GMDS: variants seen among roughly 807,000 people sequenced by gnomAD.
GMDS encodes the protein GDP-mannose 4,6 dehydratase.
A neutral mutation model predicts 49.9 loss-of-function variants in GMDS; 20 were observed. That is an observed-to-expected ratio of 0.40 (90% CI 0.28 to 0.58). The LOEUF is 0.58. GMDS is among the 20% of genes least tolerant of loss of function. The probability of loss-of-function intolerance (pLI) is 0.42; values close to 1 mark genes in which losing one functional copy is unlikely to be tolerated. For missense variants in GMDS, 362 were observed against 481.4 expected, an observed-to-expected ratio of 0.75 and a Z score of 2.32; for synonymous variants, 177 against 178.6, an observed-to-expected ratio of 0.99 and a Z score of 0.07.
At chr6:1,641,434 TGTCA>T (rs1763326857) in intron 9 of GMDS, among the ~76,000 whole-genome samples, 1 of 152,250 alleles carries the variant, frequency 6.6e-6, no homozygotes, top group Non-Finnish European at 1.5e-5. Flanking sequence ...ATCTTCTTCC[TGTCA>T]AAGGAGGGAA....
intron 4 of GMDS, among the ~76,000 whole-genome samples, chr6:2,013,072 C>T (rs9328080): frequency 0.68 from 103,255 of 151,946 alleles, 35,295 homozygotes; most frequent in Middle Eastern, 0.72. Context: ...ACAATTCTGG[C>T]CACAGGCCAG....
At chr6:2,095,193 C>T (rs370030678) in intron 4 of GMDS, among the ~76,000 whole-genome samples, 76 of 152,128 alleles carry the variant, frequency 5.0e-4, no homozygotes, top group Non-Finnish European at 9.3e-4. Flanking sequence ...TGCCTGATCA[C>T]GTGCACACCT....
At chr6:2,187,774 A>C (rs960244375) in intron 1 of GMDS, among the ~76,000 whole-genome samples, 1 of 152,240 alleles carries the variant, frequency 6.6e-6, no homozygotes, top group African/African-American at 2.4e-5. Flanking sequence ...ATTAGGAGAA[A>C]ATGAAGAAAG....
chr6:2,083,870 T>TG (rs1421698038), intron 4 of GMDS, among the ~76,000 whole-genome samples: 2 of 152,190 alleles, frequency 1.3e-5, no homozygotes, highest in African/African-American at 2.4e-5. Flanking sequence ...TCCAGTTAAT[T>TG]GGGGGGTATT....
intron 9 of GMDS, chr6:1,625,502 A>G (rs1762826505): frequency 6.6e-6 from 1 of 152,260 alleles, no homozygotes; most frequent in Non-Finnish European, 1.5e-5. Context: ...TCGAGGAAAC[A>G]AGGGCATTTC....
chr6:2,050,506 G>A (rs1043199290), intron 4 of GMDS, among the ~76,000 whole-genome samples: 1 of 152,148 alleles, frequency 6.6e-6, no homozygotes, highest in Non-Finnish European at 1.5e-5. Context: ...GAAAAAGAGG[G>A]AATCCTCCCT....
At chr6:1,666,951 T>C (rs555206686) in intron 9 of GMDS, among the ~76,000 whole-genome samples, 2 of 152,282 alleles carry the variant, frequency 1.3e-5, no homozygotes, top group Admixed American at 1.3e-4. Flanking sequence ...GGGCACTGTG[T>C]TTTCTGCTGA....
chr6:1,957,095 G>A (rs1441299347), intron 6 of GMDS, among the ~76,000 whole-genome samples: 1 of 152,038 alleles, frequency 6.6e-6, no homozygotes, highest in South Asian at 2.1e-4. Flanking sequence ...GAGCCATCGC[G>A]CCCGGCCCAT....
Position 1,624,059 on chromosome 6 carries a change from C to T in GMDS, c.*110G>A. 2 of 949,592 alleles carry T rather than the reference C, an allele frequency of 2.1e-6. No individual in the cohort carries two copies. The highest frequency in any genetic ancestry group is 1.6e-5 in the African/African-American group (1 of 62,502). The allele number at this position is 949,592 out of a possible 1,614,324, so 58.8% of individuals were successfully genotyped here. A position where few individuals can be genotyped will look rare whatever the true frequency, so the allele number is the denominator to read the frequency against. On this transcript the variant is annotated 3_prime_UTR_variant, in exon 11 of 11. Coordinates refer to ENST00000380815, the MANE Select transcript of GMDS (RefSeq NM_001500.4). ...CGGGACAGCGCAGCGGCAGCAGGGG[C>T]CGCAGGGGACCCGCAGATTGGCACG...
intron 9 of GMDS, among the ~76,000 whole-genome samples, chr6:1,629,647 G>A (rs1762940212): frequency 6.6e-6 from 1 of 152,138 alleles, no homozygotes; most frequent in Non-Finnish European, 1.5e-5. Flanking sequence ...AACCACCACT[G>A]GACACTCCCA....
chr6:1,738,172 TACAC>T lies in GMDS; in HGVS notation c.890+4292_890+4295del, dbSNP rs1224645304. Among the ~76,000 whole-genome samples, 47 of 135,744 alleles carry T rather than the reference TACAC, an allele frequency of 3.5e-4. 1 individual carries two copies. Among genetic ancestry groups the T allele is most frequent in the South Asian group, 4.6e-4 (2 of 4,362 alleles). The allele number at this position is 135,744 out of a possible 152,430, so 89.1% of individuals were successfully genotyped here. ...ATACACATACACACACACAGACACATACACACACACATATACACACATACACACA... is the reference window on the plus strand; with the variant it reads ...ATACACATACACACACACAGACACATACACACATATACACACATACACACA... On this transcript the variant is annotated intron_variant, in intron 8 of 10. Transcript: ENST00000380815.
At chr6:1,901,227 C>T (rs1430085077) in intron 7 of GMDS, among the ~76,000 whole-genome samples, 1 of 152,138 alleles carries the variant, frequency 6.6e-6, no homozygotes, top group Non-Finnish European at 1.5e-5. Flanking sequence ...ACAGAGATGG[C>T]CTGTGCTAAT....
intron 1 of GMDS, among the ~76,000 whole-genome samples, chr6:2,221,254 C>T (rs72830182): frequency 0.11 from 16,828 of 152,212 alleles, 1,025 homozygotes; most frequent in Middle Eastern, 0.23. Context: ...CCTGGCTTCA[C>T]GTAGAATTCC....
chr6:2,112,130 C>T (rs186484361), intron 4 of GMDS, among the ~76,000 whole-genome samples: 2 of 152,340 alleles, frequency 1.3e-5, no homozygotes, highest in East Asian at 3.9e-4. Flanking sequence ...CTAAGAGGAG[C>T]TGTTCATACT....
intron 7 of GMDS, among the ~76,000 whole-genome samples, chr6:1,765,162 C>G (rs1768300959): frequency 6.6e-6 from 1 of 152,108 alleles, no homozygotes. Context: ...AAATTTACAA[C>G]AGATCAGTTA....
intron 7 of GMDS, among the ~76,000 whole-genome samples, chr6:1,920,163 G>A (rs1761644883): frequency 6.6e-6 from 1 of 152,150 alleles, no homozygotes; most frequent in South Asian, 2.1e-4. Flanking sequence ...CTTAAAAAAG[G>A]TTTTGTTTTG....
At chr6:1,798,108 C>T (rs957873441) in intron 7 of GMDS, among the ~76,000 whole-genome samples, 3 of 152,136 alleles carry the variant, frequency 2.0e-5, no homozygotes, top group Non-Finnish European at 4.4e-5. Flanking sequence ...GTTTTGGTTT[C>T]GATCTCAGTT....
chr6:1,880,482 T>G (rs1314545032), intron 7 of GMDS, among the ~76,000 whole-genome samples: 2 of 151,932 alleles, frequency 1.3e-5, no homozygotes, highest in Non-Finnish European at 2.9e-5. Flanking sequence ...AAAGAAATTT[T>G]TAAAAATGTA....
At chr6:2,098,589 C>T (rs1004105172) in intron 4 of GMDS, among the ~76,000 whole-genome samples, 1 of 152,114 alleles carries the variant, frequency 6.6e-6, no homozygotes. Context: ...ACACTTAAAG[C>T]AAACCCTGCA....
Sources: allele counts gnomAD v4.1 joint callset (sites outside exome capture counted in the v4.1 genomes callset), GRCh38; gene constraint gnomAD v4.1.1; transcripts MANE v1.5; gene names NCBI Gene and HGNC (gene_info 2026-07-23, HGNC 2026-07-21).